Variants in CCSER1 observed in about 807,000 individuals in gnomAD.
CCSER1 encodes the protein coiled-coil serine rich protein 1, also known as serine-rich coiled-coil domain-containing protein 1.
Under a neutral mutation model 82.0 loss-of-function variants are expected in CCSER1, and 41 were observed. That is an observed-to-expected ratio of 0.50 (90% confidence interval 0.39 to 0.65). The LOEUF (loss-of-function observed/expected upper bound fraction) is 0.65, where lower values mean the gene tolerates loss of function less well. Among genes scored for constraint, CCSER1 ranks in the 30% least tolerant of loss-of-function variants. CCSER1 has a pLI of 0.00. For missense variants in CCSER1, 1,119 were observed against 1,064.2 expected, an observed-to-expected ratio of 1.05 and a Z score of -0.72; for synonymous variants, 414 against 383.9, an observed-to-expected ratio of 1.08 and a Z score of -0.92.
At chr4:91,160,619 T>C (rs1448306301) in intron 10 of CCSER1, among the ~76,000 whole-genome samples, 2 of 152,202 alleles carry the variant, frequency 1.3e-5, no homozygotes, top group African/African-American at 4.8e-5. Context: ...CTCATTGTGG[T>C]TTTGATTTGC....
chr4:90,690,304 A>G (rs566279044), intron 6 of CCSER1, among the ~76,000 whole-genome samples: 1 of 152,170 alleles, frequency 6.6e-6, no homozygotes, highest in South Asian at 2.1e-4. Flanking sequence ...AAAAATGAAG[A>G]GACATTTTAA....
chr4:90,348,476 C>G (rs568182128), intron 3 of CCSER1, among the ~76,000 whole-genome samples: 1 of 152,178 alleles, frequency 6.6e-6, no homozygotes, highest in African/African-American at 2.4e-5. Context: ...CTCAATAGGG[C>G]AAATTTTTAA....
At chr4:90,139,257 T>C (rs965327108) in intron 1 of CCSER1, among the ~76,000 whole-genome samples, 3 of 152,188 alleles carry the variant, frequency 2.0e-5, no homozygotes, top group African/African-American at 7.2e-5. Context: ...CTGGTCAGTT[T>C]TGCATGATGT....
intron 1 of CCSER1, among the ~76,000 whole-genome samples, chr4:90,258,485 C>T (rs909229947): frequency 6.6e-6 from 1 of 152,114 alleles, no homozygotes; most frequent in African/African-American, 2.4e-5. Context: ...GCATTCCAGC[C>T]TGGCGAAAGG....
intron 9 of CCSER1, among the ~76,000 whole-genome samples, chr4:91,006,728 T>A (rs1738551050): frequency 6.6e-6 from 1 of 152,112 alleles, no homozygotes; most frequent in Admixed American, 6.5e-5. Context: ...CCTGACCTCG[T>A]GATCCACCCG....
At chr4:91,573,097 G>A (rs1763270852) in intron 10 of CCSER1, among the ~76,000 whole-genome samples, 2 of 152,300 alleles carry the variant, frequency 1.3e-5, no homozygotes, top group South Asian at 4.1e-4. Context: ...CTCTTAAAGT[G>A]GCAGTCTGAC....
chr4:90,732,841 G>C (rs1481038505), intron 7 of CCSER1, among the ~76,000 whole-genome samples: 1 of 152,122 alleles, frequency 6.6e-6, no homozygotes, highest in Non-Finnish European at 1.5e-5. Flanking sequence ...CTCCATCCCT[G>C]TTGTTACAAA....
At chr4:90,418,498 A>C (rs1235631191) in intron 4 of CCSER1, among the ~76,000 whole-genome samples, 1 of 152,088 alleles carries the variant, frequency 6.6e-6, no homozygotes, top group Admixed American at 6.5e-5. Flanking sequence ...AATAATATTT[A>C]TTGAGTCTAG....
intron 5 of CCSER1, among the ~76,000 whole-genome samples, chr4:90,604,274 G>T (rs1176608836): frequency 1.3e-5 from 2 of 152,164 alleles, no homozygotes; most frequent in South Asian, 2.1e-4. Flanking sequence ...AAACATCCTT[G>T]AGCCTCCTAT....
At chr4:91,410,185 G>A (rs1752941753) in intron 10 of CCSER1, among the ~76,000 whole-genome samples, 2 of 152,130 alleles carry the variant, frequency 1.3e-5, no homozygotes, top group Non-Finnish European at 2.9e-5. Context: ...AGCTTTGTAA[G>A]CAATTTCACT....
chr4:90,486,536 G>A (rs1250485786), intron 5 of CCSER1, among the ~76,000 whole-genome samples: 1 of 152,208 alleles, frequency 6.6e-6, no homozygotes, highest in Non-Finnish European at 1.5e-5. Flanking sequence ...GATCAGCAAT[G>A]CACTTGCCAC....
intron 4 of CCSER1, among the ~76,000 whole-genome samples, chr4:90,432,740 T>C (rs920650541): frequency 2.0e-5 from 3 of 152,148 alleles, no homozygotes. Flanking sequence ...TGGGTATGTG[T>C]CACCCTGCTG....
chr4:90,284,115 G>A (rs1560945779), intron 1 of CCSER1, among the ~76,000 whole-genome samples: 1 of 151,944 alleles, frequency 6.6e-6, no homozygotes. Flanking sequence ...CCATTTTAAT[G>A]TCTTTTTCTG....
chr4:90,285,572 C>A (rs1729717657), intron 1 of CCSER1, among the ~76,000 whole-genome samples: 1 of 151,972 alleles, frequency 6.6e-6, no homozygotes, highest in Non-Finnish European at 1.5e-5. Context: ...AATATAAGAT[C>A]ATATTATCTG....
At chr4:91,362,968 TAAAC>T (rs1404630665) in intron 10 of CCSER1, among the ~76,000 whole-genome samples, 1 of 151,752 alleles carries the variant, frequency 6.6e-6, no homozygotes, top group Non-Finnish European at 1.5e-5. Context: ...CTTAACATTT[TAAAC>T]AAACAATCCA....
intron 6 of CCSER1, among the ~76,000 whole-genome samples, chr4:90,707,342 C>T (rs1739553996): frequency 6.6e-6 from 1 of 151,798 alleles, no homozygotes; most frequent in African/African-American, 2.4e-5. Flanking sequence ...TCAAACTTAA[C>T]TTGAACAAGC....
At chr4:90,781,053 G>A (rs773790427) in intron 7 of CCSER1, 1 of 173,018 alleles carries the variant, frequency 5.8e-6, no homozygotes, top group Non-Finnish European at 1.1e-5. Flanking sequence ...AGGGTGGCTG[G>A]GAGGCGCCAC....
At chr4:91,538,686 A>G (rs998090853) in intron 10 of CCSER1, among the ~76,000 whole-genome samples, 1 of 104,916 alleles carries the variant, frequency 9.5e-6, no homozygotes, top group African/African-American at 4.2e-5. Context: ...TATGATATAT[A>G]TTATATATAC....
intron 1 of CCSER1, among the ~76,000 whole-genome samples, chr4:90,169,626 A>G (rs1016401752): frequency 6.6e-6 from 1 of 152,010 alleles, no homozygotes; most frequent in Non-Finnish European, 1.5e-5. Flanking sequence ...AACTTGTGAA[A>G]CTGCTATAAA....
Sources: gnomAD v4.1 joint callset for allele counts (sites outside exome capture counted in the v4.1 genomes callset) on GRCh38, gnomAD v4.1.1 for gene constraint, MANE v1.5 for transcripts, NCBI Gene and HGNC (gene_info 2026-07-23, HGNC 2026-07-21) for gene names.